Variants in ATP10B observed in about 807,000 individuals in gnomAD.
The protein encoded by ATP10B is phospholipid-transporting ATPase VB.
ATP10B carries 122 observed loss-of-function variants against 141.2 expected under a neutral mutation model. The ratio of observed to expected loss-of-function variants is 0.86; its 90% confidence interval spans 0.75 to 1.00. ATP10B has a LOEUF of 1.00. Ranked by LOEUF, ATP10B falls within the 50% of genes least tolerant of loss-of-function variation. The pLI is 0.00. For synonymous variants in ATP10B, 685 were observed against 692.0 expected (o/e 0.99, Z 0.16); for missense variants, 1,876 against 1,825.3 (o/e 1.03, Z -0.51).
chr5:160,810,983 G>T (rs2127946463), intron 1 of ATP10B, among the ~76,000 whole-genome samples: 1 of 152,288 alleles, frequency 6.6e-6, no homozygotes, highest in Middle Eastern at 3.4e-3. Flanking sequence ...AAAATCAAAA[G>T]TCCAGTAGGA....
chr5:160,884,934 G>A, the ATP10B span, among the ~76,000 whole-genome samples: 1 of 152,054 alleles, frequency 6.6e-6, no homozygotes, highest in Admixed American at 6.5e-5. Flanking sequence ...TGTTTTGGTT[G>A]GGCAGAAAGA....
chr5:160,772,706 C>A (rs1207363302), intron 2 of ATP10B, among the ~76,000 whole-genome samples: 2 of 152,184 alleles, frequency 1.3e-5, no homozygotes, highest in African/African-American at 2.4e-5. Flanking sequence ...CAGTAATGCT[C>A]ATCTGCTGCT....
chr5:160,899,253 G>A, the ATP10B span, among the ~76,000 whole-genome samples: 4 of 152,032 alleles, frequency 2.6e-5, no homozygotes, highest in African/African-American at 9.7e-5. Flanking sequence ...TTTTTAGTGG[G>A]TTATGAAGAA....
the ATP10B span, among the ~76,000 whole-genome samples, chr5:160,862,665 G>A: frequency 6.6e-6 from 1 of 151,842 alleles, no homozygotes; most frequent in African/African-American, 2.4e-5. Context: ...TCCCAAAAGA[G>A]GGTATTTACC....
intron 1 of ATP10B, among the ~76,000 whole-genome samples, chr5:160,797,592 T>C (rs897008522): frequency 3.9e-5 from 6 of 152,236 alleles, no homozygotes; most frequent in Non-Finnish European, 8.8e-5. Flanking sequence ...ATATAACAGA[T>C]ACTCAAATCT....
intron 17 of ATP10B, among the ~76,000 whole-genome samples, chr5:160,613,677 T>C (rs1189808281): frequency 6.6e-6 from 1 of 152,160 alleles, no homozygotes. Context: ...CTGCAACTGA[T>C]CAAAGCAGAA....
chr5:160,797,276 T>C (rs934444861), intron 1 of ATP10B, among the ~76,000 whole-genome samples: 3 of 152,212 alleles, frequency 2.0e-5, no homozygotes, highest in African/African-American at 7.2e-5. Context: ...AGGTTACCTA[T>C]GGATGCATGC....
chr5:160,872,152 A>G, the ATP10B span, among the ~76,000 whole-genome samples: 3 of 152,014 alleles, frequency 2.0e-5, no homozygotes, highest in African/African-American at 7.2e-5. Context: ...AATGTTGAGC[A>G]TTTTTTCATA....
chr5:160,835,957 G>T (rs1342342256), intron 1 of ATP10B, among the ~76,000 whole-genome samples: 1 of 152,042 alleles, frequency 6.6e-6, no homozygotes, highest in East Asian at 1.9e-4. Context: ...CTTGGGAGTG[G>T]AATGAAAACC....
At chr5:160,631,882 T>G (rs1018227263) in intron 13 of ATP10B, among the ~76,000 whole-genome samples, 3 of 152,200 alleles carry the variant, frequency 2.0e-5, no homozygotes, top group African/African-American at 7.2e-5. Context: ...TATAATTCAA[T>G]TTTTAAAAGA....
chr5:160,851,436 G>A (rs535544676), intron 1 of ATP10B, among the ~76,000 whole-genome samples: 1 of 152,186 alleles, frequency 6.6e-6, no homozygotes, highest in Admixed American at 6.5e-5. Context: ...TTAAGCAACA[G>A]TTTTCTCCTT....
At chr5:160,865,843 C>A in the ATP10B span, among the ~76,000 whole-genome samples, 1 of 152,044 alleles carries the variant, frequency 6.6e-6, no homozygotes, top group Non-Finnish European at 1.5e-5. Context: ...CAGGGAAATG[C>A]AAATCAAAAC....
At chr5:160,692,067 G>A (rs1764106328) in intron 3 of ATP10B, among the ~76,000 whole-genome samples, 1 of 152,156 alleles carries the variant, frequency 6.6e-6, no homozygotes, top group African/African-American at 2.4e-5. Flanking sequence ...CTCACTATTA[G>A]GTGGTAAGAT....
At chr5:160,726,700 TGAA>T (rs1388860323) in intron 2 of ATP10B, among the ~76,000 whole-genome samples, 2 of 143,430 alleles carry the variant, frequency 1.4e-5, no homozygotes, top group Non-Finnish European at 3.0e-5. Flanking sequence ...GGAGGAGAGA[TGAA>T]GAAGAGAAGG....
chr5:160,705,670 T>A (rs954962129), intron 3 of ATP10B, among the ~76,000 whole-genome samples: 1 of 152,016 alleles, frequency 6.6e-6, no homozygotes, highest in Non-Finnish European at 1.5e-5. Flanking sequence ...TTGTGGCTGG[T>A]TAGACCTTCT....
At chr5:160,868,119 A>C in the ATP10B span, among the ~76,000 whole-genome samples, 11 of 152,254 alleles carry the variant, frequency 7.2e-5, no homozygotes, top group South Asian at 2.1e-4. Flanking sequence ...CTGCCATGTG[A>C]AGCTCCGGTA....
rs183216604 is a variant in ATP10B, at chr5:160,648,687, T to C, written c.761+484A>G. 1.2e-3 allele frequency among the ~76,000 whole-genome samples: 177 copies of C among 152,216 alleles called. 1 individual carries two copies. Among genetic ancestry groups the C allele is most frequent in the Admixed American group, 0.011 (169 of 15,274 alleles). The stretch of plus-strand genomic sequence containing the variant: ...CTTAGAAAAGAAAAACCCTTTGATA[T>C]AGATATTATAATTTTATTTTATGGA... On this transcript the variant is annotated intron_variant, in intron 8 of 25. Coordinates refer to ENST00000327245, the MANE Select transcript of ATP10B (RefSeq NM_025153.3).
At chr5:160,884,908 T>C in the ATP10B span, among the ~76,000 whole-genome samples, 41 of 152,300 alleles carry the variant, frequency 2.7e-4, no homozygotes, top group African/African-American at 9.6e-4. Context: ...AGTTATATTC[T>C]GTCCACAAAT....
chr5:160,644,086 A>G, intron 9 of ATP10B, 52 bp downstream of exon 9: 1 of 1,445,804 alleles, frequency 6.9e-7, no homozygotes, highest in South Asian at 1.1e-5. Flanking sequence ...ATGGATTTGG[A>G]GGGGGAAGGA....
Sources: gnomAD v4.1 joint callset for allele counts (sites outside exome capture counted in the v4.1 genomes callset) on GRCh38, gnomAD v4.1.1 for gene constraint, MANE v1.5 for transcripts, NCBI Gene and HGNC (gene_info 2026-07-23, HGNC 2026-07-21) for gene names.